ARHGAP19: variants seen among roughly 807,000 people sequenced by gnomAD.
ARHGAP19 encodes rho GTPase-activating protein 19.
A neutral mutation model predicts 60.9 loss-of-function variants in ARHGAP19; 48 were observed. That is an observed-to-expected ratio of 0.79 (90% CI 0.62 to 1.00). The LOEUF (loss-of-function observed/expected upper bound fraction) is 1.00, where lower values mean the gene tolerates loss of function less well. Among genes scored for constraint, ARHGAP19 ranks in the 50% least tolerant of loss-of-function variants. The pLI is 0.00. For synonymous variants in ARHGAP19, 209 were observed against 215.5 expected, an observed-to-expected ratio of 0.97 and a Z score of 0.27; for missense variants, 562 against 597.2, an observed-to-expected ratio of 0.94 and a Z score of 0.61.
At chr10:97,255,887 A>G (rs1315422927) in intron 6 of ARHGAP19, among the ~76,000 whole-genome samples, 2 of 152,198 alleles carry the variant, frequency 1.3e-5, no homozygotes, top group African/African-American at 2.4e-5. Flanking sequence ...ATGAATCTCA[A>G]TGAAATCCAC....
At chr10:97,236,094 G>C (rs2134820707) in intron 8 of ARHGAP19, among the ~76,000 whole-genome samples, 1 of 152,242 alleles carries the variant, frequency 6.6e-6, no homozygotes, top group South Asian at 2.1e-4. Flanking sequence ...TCATGCCTCA[G>C]CCTGGCGAGT....
chr10:97,252,664 T>C (rs1842702099), intron 6 of ARHGAP19, among the ~76,000 whole-genome samples: 1 of 151,996 alleles, frequency 6.6e-6, no homozygotes, highest in African/African-American at 2.4e-5. Context: ...CAGATGCTGA[T>C]GAGGATGTGA....
At chr10:97,233,151 A>G (rs1851057389) in intron 9 of ARHGAP19, among the ~76,000 whole-genome samples, 1 of 152,008 alleles carries the variant, frequency 6.6e-6, no homozygotes, top group African/African-American at 2.4e-5. Context: ...TGTCTCAAAA[A>G]AAAAAGACCA....
intron 8 of ARHGAP19, 129 bp downstream of exon 8, chr10:97,243,839 T>A: frequency 1.2e-6 from 1 of 838,390 alleles, no homozygotes; most frequent in East Asian, 2.5e-5. Flanking sequence ...ACTGTGGAGA[T>A]TCCATAGACA....
At chr10:97,253,499 G>T (rs1589459126) in intron 6 of ARHGAP19, among the ~76,000 whole-genome samples, 1 of 152,252 alleles carries the variant, frequency 6.6e-6, no homozygotes, top group African/African-American at 2.4e-5. Context: ...AGGTGTTAGG[G>T]GTGAGAGTAA....
intron 5 of ARHGAP19, among the ~76,000 whole-genome samples, chr10:97,257,951 T>C (rs1225381832): frequency 6.6e-6 from 1 of 152,194 alleles, no homozygotes; most frequent in East Asian, 1.9e-4. Flanking sequence ...AAGGCATCAA[T>C]AGGTTCTTGG....
chr10:97,251,494 GAAAGGAAGGGT>G (rs1333190471), intron 6 of ARHGAP19, among the ~76,000 whole-genome samples: 1 of 2,448 alleles, frequency 4.1e-4, no homozygotes, highest in Non-Finnish European at 1.2e-3. Context: ...AAGGGGAGGG[GAAAGGAAGGGT>G]AAGGGGAGGG....
chr10:97,271,796 T>A (rs1295059784), intron 1 of ARHGAP19, among the ~76,000 whole-genome samples: 1 of 151,920 alleles, frequency 6.6e-6, no homozygotes, highest in Non-Finnish European at 1.5e-5. Flanking sequence ...ATATATTTAT[T>A]TATATATTTA....
At chr10:97,283,831 T>TAAAAA (rs55665818) in intron 1 of ARHGAP19, among the ~76,000 whole-genome samples, 1 of 126,842 alleles carries the variant, frequency 7.9e-6, no homozygotes. Flanking sequence ...TCATCTCTAT[T>TAAAAA]AAAAAAAAAA....
At chr10:97,284,620 C>T (rs1843129472) in intron 1 of ARHGAP19, among the ~76,000 whole-genome samples, 1 of 152,022 alleles carries the variant, frequency 6.6e-6, no homozygotes, top group African/African-American at 2.4e-5. Flanking sequence ...ATCCTCCTGC[C>T]TCGGCCTTCC....
intron 5 of ARHGAP19, among the ~76,000 whole-genome samples, chr10:97,257,610 CCA>C (rs1299152931): frequency 2.0e-5 from 3 of 152,194 alleles, no homozygotes; most frequent in East Asian, 1.9e-4. Context: ...CTTTTTATAA[CCA>C]CAGTTTGCTC....
intron 1 of ARHGAP19, among the ~76,000 whole-genome samples, chr10:97,291,887 C>T (rs1843237374): frequency 1.3e-5 from 2 of 152,032 alleles, no homozygotes; most frequent in Admixed American, 1.3e-4. Flanking sequence ...CTCGGTGTGG[C>T]TGTTTAGGAA....
At position 97,259,406 on chromosome 10, in the gene ARHGAP19, T is replaced by G. The variant is rs1387089604; in HGVS notation, c.836A>C (p.Lys279Thr). The change falls in exon 5 of 12, where the codon AAA (lysine) becomes ACA (threonine). Residue 279 changes from lysine (K) to threonine (T), a missense_variant. Transcript: ENST00000358531. Reference protein sequence around the residue: ...LMFAPHVLWPKNVTANDLQEN... With the variant: ...LMFAPHVLWPTNVTANDLQEN... ...ACTCTTCCCGTCAACACTCACATTT[T>G]TTGGCCACAGGACATGGGGTGCAAA... 2 of 1,613,324 alleles carry G rather than the reference T, an allele frequency of 1.2e-6. No individual in the cohort carries two copies. The highest frequency in any genetic ancestry group is 3.3e-5 in the Admixed American group (2 of 60,006).
chr10:97,246,183 G>A lies in ARHGAP19; in HGVS notation c.993+89C>T, dbSNP rs1842560458. Reference sequence around the variant, plus strand: ...AATACTAAAACTTATTATTTTCCATGCTTTTACTTTGACTTCATACTTTGT... The same window carrying A: ...AATACTAAAACTTATTATTTTCCATACTTTTACTTTGACTTCATACTTTGT... On this transcript the variant is annotated intron_variant, in intron 7 of 11. Transcript: ENST00000358531. 1.1e-5 allele frequency: 12 copies of A among 1,070,542 alleles called. No individual in the cohort carries two copies. The East Asian group carries it at 1.4e-4, about 13-fold the overall frequency. The allele number at this position is 1,070,542 out of a possible 1,614,324, so 66.3% of individuals were successfully genotyped here. A position where few individuals can be genotyped will look rare whatever the true frequency, so the allele number is the denominator to read the frequency against.
At chr10:97,233,595 C>A (rs937023159) in intron 9 of ARHGAP19, among the ~76,000 whole-genome samples, 2 of 152,172 alleles carry the variant, frequency 1.3e-5, no homozygotes, top group Non-Finnish European at 2.9e-5. Context: ...TGGCCGGGTG[C>A]AGTGGCTCAT....
intron 1 of ARHGAP19, among the ~76,000 whole-genome samples, chr10:97,267,396 AGT>A (rs1842911683): frequency 6.6e-6 from 1 of 152,094 alleles, no homozygotes; most frequent in Admixed American, 6.5e-5. Context: ...GCTGGCATTG[AGT>A]GTTTGCAGCT....
Position 97,266,079 on chromosome 10 carries a change from C to T in ARHGAP19, c.103G>A (p.Gly35Ser), listed in dbSNP as rs1842895612. The stretch of plus-strand genomic sequence containing the variant: ...TCAGGATTAAAGATAATGGGCTGAC[C>T]TCGAAGGGAAGAATCATTGCAGATC... ...FVICNDSSLR[G>S]QPIIFNPDFF... The change falls in exon 2 of 12, where the codon GGT (glycine) becomes AGT (serine). Residue 35 changes from glycine (G) to serine (S), a missense_variant. Physicochemically the swap from Gly to Ser is moderately conservative, Grantham distance 56. Transcript: ENST00000358531. 6.2e-7 allele frequency: 1 copy of T among 1,614,026 alleles called. No homozygotes were observed. The highest frequency in any genetic ancestry group is 1.3e-5 in the African/African-American group (1 of 74,904).
At chr10:97,290,107 G>A (rs1194530906) in intron 1 of ARHGAP19, among the ~76,000 whole-genome samples, 1 of 151,996 alleles carries the variant, frequency 6.6e-6, no homozygotes, top group Non-Finnish European at 1.5e-5. Context: ...CCCCCTTTGG[G>A]TCCCCTCCCT....
chr10:97,237,307 T>C lies in ARHGAP19; in HGVS notation c.1186-1992A>G, dbSNP rs1193658869. ...ACTCAGTCTACGGAAAACAATATAGTTTCTTCCACAAATAAGGTTCAGATA... is the reference window on the plus strand; with the variant it reads ...ACTCAGTCTACGGAAAACAATATAGCTTCTTCCACAAATAAGGTTCAGATA... On this transcript the variant is annotated intron_variant, in intron 8 of 11. Coordinates refer to ENST00000358531, the MANE Select transcript of ARHGAP19 (RefSeq NM_032900.6). Among the ~76,000 whole-genome samples the C allele has an allele frequency of 4.0e-5, 6 of 150,016 alleles. No individual in the cohort carries two copies. The South Asian group carries it at 1.3e-3, about 32-fold the overall frequency.
Sources: allele counts gnomAD v4.1 joint callset (sites outside exome capture counted in the v4.1 genomes callset), GRCh38; gene constraint gnomAD v4.1.1; transcripts MANE v1.5; gene names NCBI Gene and HGNC (gene_info 2026-07-23, HGNC 2026-07-21).